The following FAM174B variants were observed in gnomAD, a reference collection of about 807,000 sequenced individuals.
FAM174B encodes family with sequence similarity 174 member B.
FAM174B carries 12 observed loss-of-function variants against 10.9 expected under a neutral mutation model. The ratio of observed to expected loss-of-function variants is 1.10; its 90% CI spans 0.71 to 1.79. FAM174B has a LOEUF of 1.79. Ranked by LOEUF, FAM174B falls within the 40% of genes most tolerant of loss-of-function variation. The pLI is 0.00. For synonymous variants in FAM174B, 132 were observed against 115.8 expected, an observed-to-expected ratio of 1.14 and a Z score of -0.90; for missense variants, 266 against 233.3, an observed-to-expected ratio of 1.14 and a Z score of -0.91.
At chr15:92,646,157 A>C (rs1194605734) in intron 1 of FAM174B, among the ~76,000 whole-genome samples, 1 of 151,906 alleles carries the variant, frequency 6.6e-6, no homozygotes, top group Non-Finnish European at 1.5e-5. Context: ...TGCACCCCCC[A>C]CACCAGCCAC....
intron 2 of FAM174B, among the ~76,000 whole-genome samples, chr15:92,622,958 C>G (rs2050729367): frequency 6.6e-6 from 1 of 152,102 alleles, no homozygotes; most frequent in Non-Finnish European, 1.5e-5. Flanking sequence ...GAGTTCGAGA[C>G]CAGCCTGGCC....
chr15:92,648,683 A>C (rs1211588826), intron 1 of FAM174B, among the ~76,000 whole-genome samples: 1 of 151,982 alleles, frequency 6.6e-6, no homozygotes, highest in African/African-American at 2.4e-5. Flanking sequence ...GAATGCAAAG[A>C]AACGCCTACC....
At chr15:92,655,131 C>G (rs528418881) in intron 1 of FAM174B, 185 bp downstream of exon 1, 28 of 690,050 alleles carry the variant, frequency 4.1e-5, no homozygotes, top group Non-Finnish European at 5.9e-5. Context: ...AAACATGTAC[C>G]AGGAAAATCC....
In FAM174B at chr15:92,655,361, G is replaced by C. The variant is rs578000700; in HGVS notation, c.299C>G (p.Ala100Gly). The C allele has an allele frequency of 6.3e-7, 1 of 1,590,958 alleles. No homozygotes were observed. Among genetic ancestry groups the C allele is most frequent in the African/African-American group, 1.4e-5 (1 of 72,514 alleles). Residue 100 changes from alanine to glycine, a missense_variant, in exon 1 of 3, where the codon GCC (alanine) becomes GGC (glycine). Transcript: ENST00000327355. ...GCAGGCGATGAGGAGGGTGGTAAAG[G>C]CGAACGCCACGATCACGGCTGCCTT... ...TLKAAVIVAFAFTTLLIACLL... is the reference protein window; with the variant it reads ...TLKAAVIVAFGFTTLLIACLL...
At chr15:92,655,073 A>G (rs2050992271) in intron 1 of FAM174B, 3 of 384,356 alleles carry the variant, frequency 7.8e-6, no homozygotes, top group Admixed American at 9.2e-5. Context: ...AATGGGAACC[A>G]CATATTTATT....
chr15:92,641,646 T>C (rs959647206), intron 1 of FAM174B, among the ~76,000 whole-genome samples: 2 of 152,074 alleles, frequency 1.3e-5, no homozygotes, highest in Non-Finnish European at 2.9e-5. Flanking sequence ...TCACACAATA[T>C]ACAAAAATTA....
intron 1 of FAM174B, among the ~76,000 whole-genome samples, chr15:92,652,145 G>C (rs1343529574): frequency 6.6e-6 from 1 of 152,222 alleles, no homozygotes; most frequent in Non-Finnish European, 1.5e-5. Flanking sequence ...ATGCCAGCTT[G>C]TGCCTGGAAC....
At chr15:92,624,897 C>A (rs200638156) in intron 2 of FAM174B, among the ~76,000 whole-genome samples, 1 of 152,232 alleles carries the variant, frequency 6.6e-6, no homozygotes. Flanking sequence ...CCACATCTGT[C>A]TCTTCCTGGA....
At chr15:92,651,980 T>C (rs2141966254) in intron 1 of FAM174B, among the ~76,000 whole-genome samples, 1 of 152,342 alleles carries the variant, frequency 6.6e-6, no homozygotes, top group South Asian at 2.1e-4. Context: ...TACGCAATCA[T>C]ACTTACTACA....
intron 1 of FAM174B, among the ~76,000 whole-genome samples, chr15:92,638,295 G>A (rs1185209067): frequency 6.6e-6 from 1 of 152,206 alleles, no homozygotes; most frequent in Non-Finnish European, 1.5e-5. Context: ...CAAGAGAGAG[G>A]AGAGGTTCAA....
chr15:92,626,414 TA>T (rs941320837), intron 2 of FAM174B, among the ~76,000 whole-genome samples: 1 of 152,178 alleles, frequency 6.6e-6, no homozygotes, highest in African/African-American at 2.4e-5. Flanking sequence ...GGATTTTTTT[TA>T]AAAAAATCAG....
In FAM174B at chr15:92,619,194, A is replaced by G. The variant is rs1251866253; in HGVS notation, c.*262T>C. 7.1e-6 allele frequency: 5 copies of G among 702,522 alleles called. No individual in the cohort carries two copies. The highest frequency in any genetic ancestry group is 1.0e-5 in the Non-Finnish European group (4 of 384,896). 43.5% of individuals were successfully genotyped at this position (702,522 alleles called of 1,614,324 possible). ...CTTAGCAAGGCACAAAGCCTCTTAC[A>G]TGGGGAGTAGAAGTAGGGGGCACTT... On this transcript the variant is annotated 3_prime_UTR_variant, in exon 3 of 3. Transcript: ENST00000327355.
chr15:92,638,391 C>T (rs1012687431), intron 1 of FAM174B, among the ~76,000 whole-genome samples: 2 of 152,158 alleles, frequency 1.3e-5, no homozygotes, highest in African/African-American at 2.4e-5. Context: ...AAACAGGTTT[C>T]GTGTGAGTGC....
intron 1 of FAM174B, among the ~76,000 whole-genome samples, chr15:92,630,782 A>T (rs1406395909): frequency 2.0e-5 from 2 of 99,396 alleles, no homozygotes; most frequent in Non-Finnish European, 4.6e-5. Flanking sequence ...AATATATTTT[A>T]TATATTACAT....
At chr15:92,654,832 G>A (rs1192977575) in intron 1 of FAM174B, among the ~76,000 whole-genome samples, 2 of 151,876 alleles carry the variant, frequency 1.3e-5, no homozygotes, top group African/African-American at 4.8e-5. Flanking sequence ...AAAAGTAGGC[G>A]GGGCGTGAGG....
intron 2 of FAM174B, among the ~76,000 whole-genome samples, chr15:92,629,432 A>G (rs2050775999): frequency 6.6e-6 from 1 of 152,148 alleles, no homozygotes; most frequent in South Asian, 2.1e-4. Context: ...GGTAAACTCC[A>G]TCCAAGCAGG....
At position 92,655,642 on chromosome 15, in the gene FAM174B, C is replaced by A; in HGVS notation, c.18G>T (p.Leu6=). Residue 6 remains leucine, a synonymous_variant, in exon 1 of 3, where the codon CTG becomes CTT. Coordinates refer to ENST00000327355, the MANE Select transcript of FAM174B (RefSeq NM_207446.3). ...GCAGCAGCGGCAGGAGCGGGGCGGG[C>A]AGCGGCACGGCGCGCATAGTGCGGT... MRAVP[L]PAPLLPLLLL... 4.0e-6 allele frequency: 5 copies of A among 1,255,320 alleles called. No individual in the cohort carries two copies. Among genetic ancestry groups the A allele is most frequent in the Non-Finnish European group, 5.0e-6 (5 of 1,005,244 alleles). The allele number at this position is 1,255,320 out of a possible 1,614,324, so 77.8% of individuals were successfully genotyped here.
At chr15:92,653,321 CCTT>C (rs2050979433) in intron 1 of FAM174B, 1 of 152,248 alleles carries the variant, frequency 6.6e-6, no homozygotes, top group African/African-American at 2.4e-5. Flanking sequence ...GTGCATGCTG[CCTT>C]CTTTTCTCCC....
chr15:92,620,206 T>A lies in FAM174B; in HGVS notation c.477-747A>T, dbSNP rs575425232. Among the ~76,000 whole-genome samples the A allele has an allele frequency of 6.6e-5, 10 of 152,252 alleles. No homozygotes were observed. The South Asian group carries it at 1.5e-3, about 22-fold the overall frequency. On this transcript the variant is annotated intron_variant, in intron 2 of 2. Coordinates refer to ENST00000327355, the MANE Select transcript of FAM174B (RefSeq NM_207446.3). Reference sequence around the variant, plus strand: ...GCCCACACCACAGTGTCAGAAAACATAAGAAGTACAAGAAATAAGTTTAGG... The same window carrying A: ...GCCCACACCACAGTGTCAGAAAACAAAAGAAGTACAAGAAATAAGTTTAGG...
Sources: gnomAD v4.1 joint callset for allele counts (sites outside exome capture counted in the v4.1 genomes callset) on GRCh38, gnomAD v4.1.1 for gene constraint, MANE v1.5 for transcripts, NCBI Gene and HGNC (gene_info 2026-07-23, HGNC 2026-07-21) for gene names.